CHMP3: variants seen among roughly 807,000 people sequenced by gnomAD.
CHMP3 encodes 25.1 protein.
Under a neutral mutation model 27.4 loss-of-function variants are expected in CHMP3, and 8 were observed. That is an observed-to-expected ratio of 0.29 (90% CI 0.17 to 0.53). CHMP3 has a LOEUF of 0.53. CHMP3 is among the 20% of genes least tolerant of loss of function. CHMP3 has a pLI of 0.96. For missense variants in CHMP3, 208 were observed against 271.5 expected (o/e 0.77, Z 1.64); for synonymous variants, 86 against 85.5 (o/e 1.01, Z -0.03).
chr2:86,525,409 C>T (rs1414606803), intron 3 of CHMP3, among the ~76,000 whole-genome samples: 2 of 151,898 alleles, frequency 1.3e-5, no homozygotes, highest in Admixed American at 1.3e-4. Flanking sequence ...CATATATATA[C>T]TGTTCTCATC....
At chr2:86,552,655 A>G (rs1372544595) in intron 1 of CHMP3, among the ~76,000 whole-genome samples, 1 of 152,252 alleles carries the variant, frequency 6.6e-6, no homozygotes, top group Non-Finnish European at 1.5e-5. Flanking sequence ...CAAAGTTATT[A>G]GCATCATTAA....
chr2:86,535,994 C>CT (rs60555193), intron 2 of CHMP3, among the ~76,000 whole-genome samples: 22,322 of 110,848 alleles, frequency 0.2, 3,846 homozygotes, highest in African/African-American at 0.36. Context: ...ATAAACCTTT[C>CT]TTTTTTTTTT....
rs749914733 is a variant in CHMP3, at chr2:86,551,996, T to C, written c.46-9684A>G. 4.6e-5 allele frequency among the ~76,000 whole-genome samples: 7 copies of C among 152,314 alleles called. No individual in the cohort carries two copies. In the South Asian group the frequency reaches 1.0e-3, roughly 23 times the overall value. ...AAGAAACCACTGCATCTTGGAGAAATGGCCGATTTCAGGTCTCAGGCTAGG... is the reference window on the plus strand; with the variant it reads ...AAGAAACCACTGCATCTTGGAGAAACGGCCGATTTCAGGTCTCAGGCTAGG... On this transcript the variant is annotated intron_variant, in intron 1 of 5. Coordinates refer to ENST00000263856, the MANE Select transcript of CHMP3 (RefSeq NM_016079.4).
intron 1 of CHMP3, 69 bp downstream of exon 1, chr2:86,563,235 T>A (rs1677462871): frequency 3.2e-6 from 5 of 1,572,876 alleles, no homozygotes; most frequent in Non-Finnish European, 3.5e-6. Context: ...AAGAGTGTCC[T>A]GTCATTTACC....
At chr2:86,529,467 T>C in intron 2 of CHMP3, 70 bp from the exon 3 acceptor site, 1 of 1,417,406 alleles carries the variant, frequency 7.1e-7, no homozygotes, top group South Asian at 1.5e-5. Context: ...ACATTCTTAT[T>C]GTGATCTAAA....
At chr2:86,557,410 G>A (rs576582380) in intron 1 of CHMP3, among the ~76,000 whole-genome samples, 9 of 152,114 alleles carry the variant, frequency 5.9e-5, no homozygotes, top group African/African-American at 2.2e-4. Context: ...GCCACTAACC[G>A]GCCTCCCTAC....
At chr2:86,560,342 A>G (rs1276313507) in intron 1 of CHMP3, among the ~76,000 whole-genome samples, 1 of 152,216 alleles carries the variant, frequency 6.6e-6, no homozygotes, top group Non-Finnish European at 1.5e-5. Flanking sequence ...CATAGACTGG[A>G]TTAAGAAAAT....
At chr2:86,557,207 T>C (rs1016394891) in intron 1 of CHMP3, among the ~76,000 whole-genome samples, 2 of 152,210 alleles carry the variant, frequency 1.3e-5, no homozygotes, top group Non-Finnish European at 2.9e-5. Flanking sequence ...TTTCAGCTCA[T>C]GGCACTGCCA....
At chr2:86,557,180 TTCC>T (rs1677159853) in intron 1 of CHMP3, among the ~76,000 whole-genome samples, 1 of 152,214 alleles carries the variant, frequency 6.6e-6, no homozygotes, top group Non-Finnish European at 1.5e-5. Flanking sequence ...ACTTGCTCCT[TTCC>T]TGAATTCTCT....
intron 2 of CHMP3, among the ~76,000 whole-genome samples, chr2:86,529,663 T>C (rs1478170858): frequency 1.3e-5 from 2 of 152,202 alleles, no homozygotes; most frequent in Non-Finnish European, 2.9e-5. Flanking sequence ...AAAAAATTAC[T>C]GTAAATGCAT....
At chr2:86,507,174 C>T (rs958559928) in intron 5 of CHMP3, 9 of 223,904 alleles carry the variant, frequency 4.0e-5, no homozygotes, top group African/African-American at 1.4e-4. Context: ...AAGGCAAGGG[C>T]TTTTGAATGG....
Position 86,529,407 on chromosome 2 carries a change from G to T in CHMP3, c.107-10C>A, listed in dbSNP as rs767361987. 6 of 1,572,136 alleles carry T rather than the reference G, an allele frequency of 3.8e-6. No homozygotes were observed. The Admixed American group carries it at 9.4e-5, about 25-fold the overall frequency. On this transcript the variant is annotated splice_polypyrimidine_tract_variant and intron_variant, in intron 2 of 5. Transcript: ENST00000263856. Reference sequence around the variant, plus strand: ...TCTTCTCTTTGGATATCTAAATTTAGAACAGAACACCAAAAATCAAGGGTA... The same window carrying T: ...TCTTCTCTTTGGATATCTAAATTTATAACAGAACACCAAAAATCAAGGGTA...
At chr2:86,562,983 G>C in intron 1 of CHMP3, 1 of 271,306 alleles carries the variant, frequency 3.7e-6, no homozygotes, top group Non-Finnish European at 7.0e-6. Flanking sequence ...AAGGTTCCGG[G>C]CGGGTCGTAC....
intron 1 of CHMP3, among the ~76,000 whole-genome samples, chr2:86,554,811 G>GCA (rs1491531616): frequency 1.1e-5 from 1 of 94,764 alleles, no homozygotes; most frequent in African/African-American, 3.7e-5. Flanking sequence ...AAATGTGTGT[G>GCA]CGCGCGTGTG....
chr2:86,549,077 TGGC>T (rs1249206630), intron 1 of CHMP3, among the ~76,000 whole-genome samples: 2 of 103,294 alleles, frequency 1.9e-5, no homozygotes, highest in South Asian at 3.5e-4. Flanking sequence ...CCAGACGGGG[TGGC>T]GGCCGGGCAG....
intron 1 of CHMP3, among the ~76,000 whole-genome samples, chr2:86,556,460 G>C (rs943434226): frequency 1.3e-5 from 2 of 152,100 alleles, no homozygotes; most frequent in East Asian, 3.9e-4. Context: ...CAGGGTGGTG[G>C]GAAAAATTGT....
chr2:86,515,197 TA>T (rs35870728), intron 3 of CHMP3: 95,469 of 149,204 alleles, frequency 0.64, 30,355 homozygotes, highest in East Asian at 0.8. Flanking sequence ...GGGACAAAGT[TA>T]AAAAAAAAAA....
chr2:86,538,822 TTTTGC>T (rs1333437245), intron 2 of CHMP3, among the ~76,000 whole-genome samples: 1 of 152,176 alleles, frequency 6.6e-6, no homozygotes, highest in Non-Finnish European at 1.5e-5. Context: ...TATAGTTATA[TTTTGC>T]TTTAAGTTGC....
At chr2:86,562,794 C>T (rs1677428851) in intron 1 of CHMP3, 2 of 153,086 alleles carry the variant, frequency 1.3e-5, no homozygotes, top group African/African-American at 2.4e-5. Context: ...TGCCTAGGGT[C>T]AACACAAGGG....
Sources: allele counts gnomAD v4.1 joint callset (sites outside exome capture counted in the v4.1 genomes callset), GRCh38; gene constraint gnomAD v4.1.1; transcripts MANE v1.5; gene names NCBI Gene and HGNC (gene_info 2026-07-23, HGNC 2026-07-21).